The following RAB27A variants were observed in gnomAD, a reference collection of about 807,000 sequenced individuals.
RAB27A encodes RAB27A, member RAS oncogene family.
RAB27A carries 17 observed loss-of-function variants against 20.8 expected under a neutral mutation model. That is an observed-to-expected ratio of 0.82 (90% CI 0.56 to 1.23). The LOEUF is 1.23. Among genes scored for constraint, RAB27A ranks in the 50% most tolerant of loss-of-function variants. The pLI is 0.00. For missense variants in RAB27A, 277 were observed against 266.7 expected, an observed-to-expected ratio of 1.04 and a Z score of -0.27; for synonymous variants, 85 against 92.8, an observed-to-expected ratio of 0.92 and a Z score of 0.48.
chr15:55,277,919 T>G (rs1300438026), intron 1 of RAB27A, among the ~76,000 whole-genome samples: 1 of 152,244 alleles, frequency 6.6e-6, no homozygotes, highest in Non-Finnish European at 1.5e-5. Context: ...TTACTTCATC[T>G]TCTTCAACCT....
rs28649353 is a variant in RAB27A, at chr15:55,316,625, G to A, written c.-234+2306C>T. ...GAAAAAAAGAAAATACAAACTTAACGCTAGAGTAAAAAGTAATACCAATTC... is the reference window on the plus strand; with the variant it reads ...GAAAAAAAGAAAATACAAACTTAACACTAGAGTAAAAAGTAATACCAATTC... On this transcript the variant is annotated intron_variant, in intron 1 of 5. Transcript: ENST00000563262. Among the ~76,000 whole-genome samples the A allele has an allele frequency of 8.4e-3, 1,262 of 151,040 alleles. 11 individuals are homozygous for A. The highest frequency in any genetic ancestry group is 0.029 in the African/African-American group (1,190 of 41,186).
At chr15:55,284,913 T>C (rs1251460986) in intron 1 of RAB27A, among the ~76,000 whole-genome samples, 1 of 152,204 alleles carries the variant, frequency 6.6e-6, no homozygotes, top group Non-Finnish European at 1.5e-5. Flanking sequence ...TTTACAAATC[T>C]TCTCTTTTGG....
intron 1 of RAB27A, among the ~76,000 whole-genome samples, chr15:55,271,297 G>T (rs12912490): frequency 0.55 from 83,271 of 151,986 alleles, 23,818 homozygotes; most frequent in East Asian, 0.75. Context: ...TTTATAATTC[G>T]CTAAGTTAAG....
rs1332723274 is a variant in RAB27A, at chr15:55,234,837, T to C, written c.98A>G (p.Lys33Arg). 5.0e-6 allele frequency: 8 copies of C among 1,612,540 alleles called. No individual in the cohort carries two copies. In the South Asian group the frequency reaches 6.6e-5, roughly 13 times the overall value. ...TSVLYQYTDG[K>R]FNSKFITTVG... is the part of the protein sequence containing the mutation. ...TGTTGTGATAAATTTGGAGTTAAAT[T>C]TACCATCTGTATATTGGTAAAGTAC... The change falls in exon 3 of 7, where the codon AAA (lysine) becomes AGA (arginine). Residue 33 changes from lysine to arginine, a missense_variant. Physicochemically the swap from Lys to Arg is conservative, Grantham distance 26. Coordinates refer to ENST00000336787, the MANE Select transcript of RAB27A (RefSeq NM_183235.3).
At chr15:55,297,763 T>C (rs2054955545) in intron 2 of RAB27A, among the ~76,000 whole-genome samples, 1 of 152,192 alleles carries the variant, frequency 6.6e-6, no homozygotes, top group African/African-American at 2.4e-5. Flanking sequence ...TAATGGATTG[T>C]AACCCACAAA....
intron 2 of RAB27A, among the ~76,000 whole-genome samples, chr15:55,239,975 C>A (rs926862799): frequency 1.3e-5 from 2 of 152,098 alleles, no homozygotes; most frequent in Non-Finnish European, 2.9e-5. Flanking sequence ...CTAGTCTATA[C>A]CAGACTATAC....
Position 55,223,952 on chromosome 15 carries a change from C to T in RAB27A, c.404G>A (p.Ser135Asn), listed in dbSNP as rs558000887. The T allele has an allele frequency of 2.2e-5, 36 of 1,612,836 alleles. No individual in the cohort carries two copies. The South Asian group carries it at 3.7e-4, about 17-fold the overall frequency. ...CACTACTCTCTGGTCCTCCAGATCA[C>T]TCTTGTTTCCACACAGCACTATATC... is the stretch of plus-strand genomic sequence containing the variant. Reference protein sequence around the residue: ...NPDIVLCGNKSDLEDQRVVKE... With the variant: ...NPDIVLCGNKNDLEDQRVVKE... The change falls in exon 6 of 7, where the codon AGT (serine) becomes AAT (asparagine). Residue 135 changes from serine to asparagine, a missense_variant. Coordinates refer to ENST00000336787, the MANE Select transcript of RAB27A (RefSeq NM_183235.3).
intron 1 of RAB27A, among the ~76,000 whole-genome samples, chr15:55,277,126 T>A (rs1454753331): frequency 6.6e-6 from 1 of 152,122 alleles, no homozygotes; most frequent in Non-Finnish European, 1.5e-5. Context: ...CAGGGGTGGA[T>A]GGAGCAATGA....
chr15:55,313,236 T>C (rs1595758130), intron 2 of RAB27A, among the ~76,000 whole-genome samples: 1 of 152,014 alleles, frequency 6.6e-6, no homozygotes, highest in Non-Finnish European at 1.5e-5. Flanking sequence ...GGCCACAGAG[T>C]GAGACCCCAT....
chr15:55,278,616 G>A (rs574280000), intron 1 of RAB27A, among the ~76,000 whole-genome samples: 73 of 152,022 alleles, frequency 4.8e-4, no homozygotes, highest in Non-Finnish European at 7.5e-4. Context: ...CCAAGTAGCT[G>A]GGACTATAGG....
In RAB27A at chr15:55,274,794, TTATA is replaced by T. The variant is rs371945954; in HGVS notation, c.-142-4514_-142-4511del. Among the ~76,000 whole-genome samples the T allele has an allele frequency of 0.014, 753 of 52,132 alleles. 78 individuals are homozygous for T. The South Asian group carries it at 0.25, about 17-fold the overall frequency. 34.2% of individuals were successfully genotyped at this position (52,132 alleles called of 152,430 possible). A position where few individuals can be genotyped will look rare whatever the true frequency, so the allele number is the denominator to read the frequency against. On this transcript the variant is annotated intron_variant, in intron 1 of 6. Transcript: ENST00000336787. The stretch of plus-strand genomic sequence containing the variant: ...ATCCGTCCTTAAAAAAATAAATAAA[TTATA>T]TATATATATATATATATATATATAT...
At chr15:55,228,496 A>G (rs1895897451) in intron 5 of RAB27A, 113 bp downstream of exon 5, 2 of 833,262 alleles carry the variant, frequency 2.4e-6, no homozygotes, top group East Asian at 2.4e-5. Flanking sequence ...TTAAAATAGT[A>G]TTTGCACTAA....
chr15:55,221,789 T>C (rs531103071), intron 6 of RAB27A, among the ~76,000 whole-genome samples: 3 of 152,116 alleles, frequency 2.0e-5, no homozygotes, highest in Non-Finnish European at 2.9e-5. Flanking sequence ...AACCTGCAAC[T>C]AGACCTGCAC....
At chr15:55,212,541 T>TTTTA in intron 6 of RAB27A, among the ~76,000 whole-genome samples, 1 of 133,164 alleles carries the variant, frequency 7.5e-6, no homozygotes, top group Non-Finnish European at 1.6e-5. Context: ...TCTTTTTTTT[T>TTTTA]TTTTTTTTGA....
At chr15:55,307,688 C>G (rs1477085756) in intron 2 of RAB27A, among the ~76,000 whole-genome samples, 1 of 151,048 alleles carries the variant, frequency 6.6e-6, no homozygotes, top group East Asian at 1.9e-4. Context: ...TCTACCCAGA[C>G]TAGTAGACAC....
chr15:55,318,229 C>T (rs982795946), intron 1 of RAB27A, among the ~76,000 whole-genome samples: 1 of 151,284 alleles, frequency 6.6e-6, no homozygotes, highest in South Asian at 2.1e-4. Context: ...TCCCGAGAAG[C>T]TGGGACTACA....
At chr15:55,285,107 A>T (rs1272220577) in intron 1 of RAB27A, among the ~76,000 whole-genome samples, 2 of 152,200 alleles carry the variant, frequency 1.3e-5, no homozygotes, top group South Asian at 2.1e-4. Context: ...GTCCCAAATA[A>T]TGTATAAGAT....
At chr15:55,258,702 C>A (rs771076345) in intron 2 of RAB27A, among the ~76,000 whole-genome samples, 1 of 152,352 alleles carries the variant, frequency 6.6e-6, no homozygotes, top group Non-Finnish European at 1.5e-5. Context: ...AAAATGGTAA[C>A]ACATTGTGAT....
chr15:55,206,875 C>T (rs1047333804), intron 6 of RAB27A, among the ~76,000 whole-genome samples: 14 of 151,862 alleles, frequency 9.2e-5, no homozygotes, highest in African/African-American at 2.7e-4. Flanking sequence ...ATATCATAAG[C>T]AAAGTTAAAA....
Sources: gnomAD v4.1 joint callset for allele counts (sites outside exome capture counted in the v4.1 genomes callset) on GRCh38, gnomAD v4.1.1 for gene constraint, MANE v1.5 for transcripts, NCBI Gene and HGNC (gene_info 2026-07-23, HGNC 2026-07-21) for gene names.